The following CREG1 variants were observed in gnomAD, a reference collection of about 807,000 sequenced individuals.
The protein encoded by CREG1 is protein CREG1.
CREG1 carries 20 observed loss-of-function variants against 19.9 expected under a neutral mutation model. The observed-to-expected ratio is 1.01, with a 90% CI of 0.71 to 1.46. CREG1 has a LOEUF of 1.46. Ranked by LOEUF, CREG1 falls within the 40% of genes most tolerant of loss-of-function variation. CREG1 has a pLI of 0.00. For synonymous variants in CREG1, 141 were observed against 143.3 expected, an observed-to-expected ratio of 0.98 and a Z score of 0.12; for missense variants, 290 against 314.9, an observed-to-expected ratio of 0.92 and a Z score of 0.60.
rs760512764 is a variant in CREG1, at chr1:167,546,260, G to A, written c.500C>T (p.Ala167Val). ...GTGTCGAATGAATAACGAATGCTTTGCAATATCCATTTCTGTTTCATTCAC... is the reference window on the plus strand; with the variant it reads ...GTGTCGAATGAATAACGAATGCTTTACAATATCCATTTCTGTTTCATTCAC... ...TKVNETEMDI[A>V]KHSLFIRHPE... The change falls in exon 3 of 4, where the codon GCA (alanine) becomes GTA (valine). Residue 167 changes from alanine (A) to valine (V), a missense_variant. Transcript: ENST00000370509. 1.9e-6 allele frequency: 3 copies of A among 1,605,360 alleles called. No homozygotes were observed. Among genetic ancestry groups the A allele is most frequent in the Middle Eastern group, 1.7e-4 (1 of 6,024 alleles).
At chr1:167,544,310 T>A (rs1359141611) in intron 3 of CREG1, among the ~76,000 whole-genome samples, 2 of 152,018 alleles carry the variant, frequency 1.3e-5, no homozygotes, top group Non-Finnish European at 2.9e-5. Context: ...TAGGCCCTGC[T>A]TGGAATTAAA....
chr1:167,542,243 G>C lies in CREG1; in HGVS notation c.*55C>G. ...GAGAAACATTAAGCCTTTTAAGTGT[G>C]TATGAGCCACTTTAAGAAACTTCAT... is the stretch of plus-strand genomic sequence containing the variant. On this transcript the variant is annotated 3_prime_UTR_variant, in exon 4 of 4. Transcript: ENST00000370509. 6.5e-7 allele frequency: 1 copy of C among 1,549,294 alleles called. No homozygotes were observed. Among genetic ancestry groups the C allele is most frequent in the Non-Finnish European group, 8.8e-7 (1 of 1,141,184 alleles).
intron 1 of CREG1, among the ~76,000 whole-genome samples, chr1:167,548,634 A>G (rs1335240725): frequency 6.6e-6 from 1 of 152,258 alleles, no homozygotes; most frequent in Non-Finnish European, 1.5e-5. Context: ...TTCCTGCTTT[A>G]GTAACAATGA....
At position 167,547,991 on chromosome 1, in the gene CREG1, T is replaced by TA. The variant is rs111711324; in HGVS notation, c.474+10dup. ...TGAAACCATCTCCCTTCCTGTAGGATAACTACTTACCTTGGTCACAGTTCC... is the reference window on the plus strand; with the variant it reads ...TGAAACCATCTCCCTTCCTGTAGGATAAACTACTTACCTTGGTCACAGTTCC... On this transcript the variant is annotated intron_variant, in intron 2 of 3. Coordinates refer to ENST00000370509, the MANE Select transcript of CREG1 (RefSeq NM_003851.3). The TA allele has an allele frequency of 1.4e-3, 2,183 of 1,601,872 alleles. 27 individuals are homozygous for TA. The African/African-American group carries it at 0.026, about 19-fold the overall frequency.
intron 1 of CREG1, 28 bp downstream of exon 1, chr1:167,553,360 C>T (rs1656456119): frequency 1.4e-5 from 19 of 1,346,642 alleles, no homozygotes; most frequent in Non-Finnish European, 1.8e-5. Context: ...CCACAGCCCG[C>T]CTGGGGAAGC....
intron 2 of CREG1, among the ~76,000 whole-genome samples, chr1:167,547,185 T>C (rs1656344139): frequency 6.6e-6 from 1 of 152,222 alleles, no homozygotes; most frequent in South Asian, 2.1e-4. Flanking sequence ...CCTGACACCA[T>C]GCCCACTGCT....
chr1:167,543,417 CA>C (rs891888047), intron 3 of CREG1, among the ~76,000 whole-genome samples: 36 of 152,192 alleles, frequency 2.4e-4, no homozygotes, highest in African/African-American at 8.7e-4. Flanking sequence ...TGGCAGTCTC[CA>C]TCTGTGTGAA....
Position 167,553,726 on chromosome 1 carries a change from G to A in CREG1, c.16C>T (p.Arg6Cys). The A allele has an allele frequency of 2.3e-6, 3 of 1,286,800 alleles. No homozygotes were observed. Among genetic ancestry groups the A allele is most frequent in the South Asian group, 2.6e-5 (1 of 39,002 alleles). The allele number at this position is 1,286,800 out of a possible 1,614,324, so 79.7% of individuals were successfully genotyped here. The change falls in exon 1 of 4, where the codon CGC (arginine) becomes TGC (cysteine). Residue 6 changes from arginine to cysteine, a missense_variant. Arg to Cys is a radical substitution (Grantham distance 180). Coordinates refer to ENST00000370509, the MANE Select transcript of CREG1 (RefSeq NM_003851.3). The part of the protein sequence containing the change: MAGLS[R>C]GSARALLAAL... ...GCGAGCAGTGCGCGCGCGGACCCGC[G>A]GGATAGCCCGGCCATGGCGGTGTCT... is the stretch of plus-strand genomic sequence containing the variant.
intron 1 of CREG1, among the ~76,000 whole-genome samples, chr1:167,549,703 A>G (rs1223202918): frequency 1.3e-5 from 2 of 150,550 alleles, no homozygotes; most frequent in African/African-American, 4.9e-5. Context: ...TTTTTAAGAC[A>G]GTGTCTCACT....
rs552955866 is a variant in CREG1 at position 167,548,263 on chromosome 1, C to G, written c.355-142G>C. 5 of 592,308 alleles carry G rather than the reference C, an allele frequency of 8.4e-6. No individual in the cohort carries two copies. In the East Asian group the frequency reaches 1.1e-4, roughly 13 times the overall value. 36.7% of individuals were successfully genotyped at this position (592,308 alleles called of 1,614,324 possible). ...GAATCATAAAACATCACCTTCCACT[C>G]AGGGGAAAATAATACTTGGAAAGTA... is the stretch of plus-strand genomic sequence containing the variant. On this transcript the variant is annotated intron_variant, in intron 1 of 3. Coordinates refer to ENST00000370509, the MANE Select transcript of CREG1 (RefSeq NM_003851.3).
chr1:167,543,569 G>A (rs140103399), intron 3 of CREG1, among the ~76,000 whole-genome samples: 209 of 152,336 alleles, frequency 1.4e-3, no homozygotes, highest in African/African-American at 4.7e-3. Flanking sequence ...GGTTCTCCAA[G>A]AAGATGGGGG....
At position 167,553,468 on chromosome 1, in the gene CREG1, T is replaced by C; in HGVS notation, c.274A>G (p.Ser92Gly). The C allele has an allele frequency of 6.7e-7, 1 of 1,484,122 alleles. No homozygotes were observed. Among genetic ancestry groups the C allele is most frequent in the Non-Finnish European group, 8.9e-7 (1 of 1,124,344 alleles). The allele number at this position is 1,484,122 out of a possible 1,614,324, so 91.9% of individuals were successfully genotyped here. ...GRPFADVLSL[S>G]DGPPGAGSGV... is the part of the protein sequence containing the mutation. ...CTGCCCGCGCCCGGGGGCCCGTCGC[T>C]GAGCGAGAGGACGTCGGCGAAGGGC... The change falls in exon 1 of 4, where the codon AGC (serine) becomes GGC (glycine). Residue 92 changes from serine (S) to glycine (G), a missense_variant. Physicochemically the swap from Ser to Gly is moderately conservative, Grantham distance 56. Coordinates refer to ENST00000370509, the MANE Select transcript of CREG1 (RefSeq NM_003851.3).
chr1:167,553,486 C>T lies in CREG1; in HGVS notation c.256G>A (p.Ala86Thr). 6.7e-7 allele frequency: 1 copy of T among 1,488,670 alleles called. No homozygotes were observed. Among genetic ancestry groups the T allele is most frequent in the South Asian group, 1.3e-5 (1 of 79,536 alleles). 92.2% of individuals were successfully genotyped at this position (1,488,670 alleles called of 1,614,324 possible). ...CCGTCGCTGAGCGAGAGGACGTCGG[C>T]GAAGGGCCGGCCGCGCACCGCCTCC... is the stretch of plus-strand genomic sequence containing the variant. Reference protein sequence around the residue: ...TLEAVRGRPFADVLSLSDGPP... With the variant: ...TLEAVRGRPFTDVLSLSDGPP... Residue 86 changes from alanine to threonine, a missense_variant, in exon 1 of 4, where the codon GCC becomes ACC. Physicochemically the swap from Ala to Thr is moderately conservative, Grantham distance 58. Transcript: ENST00000370509.
intron 1 of CREG1, 61 bp from the exon 2 acceptor site, chr1:167,548,182 T>G: frequency 2.1e-6 from 3 of 1,449,552 alleles, no homozygotes; most frequent in Non-Finnish European, 2.9e-6. Flanking sequence ...GGTAATAAAT[T>G]TCAAAAGTTG....
chr1:167,550,554 G>A (rs1656406294), intron 1 of CREG1, among the ~76,000 whole-genome samples: 1 of 152,152 alleles, frequency 6.6e-6, no homozygotes. Flanking sequence ...ACAAAAAACT[G>A]TCAGGACTTG....
intron 2 of CREG1, 88 bp downstream of exon 2, chr1:167,547,914 C>G (rs1269640367): frequency 8.4e-6 from 12 of 1,435,140 alleles, no homozygotes; most frequent in Non-Finnish European, 1.2e-5. Context: ...GAGTGAGACT[C>G]TGTCTCAAAA....
intron 3 of CREG1, among the ~76,000 whole-genome samples, chr1:167,543,317 C>T (rs1656257353): frequency 6.6e-6 from 1 of 152,132 alleles, no homozygotes; most frequent in African/African-American, 2.4e-5. Context: ...AAGCCTTCCA[C>T]TGATCATGCA....
chr1:167,542,341 G>C, intron 3 of CREG1, 40 bp from the exon 4 acceptor site: 1 of 1,575,434 alleles, frequency 6.3e-7, no homozygotes, highest in South Asian at 1.2e-5. Flanking sequence ...TGTTAAACTG[G>C]GTTAACAAAT....
chr1:167,542,416 G>A, intron 3 of CREG1, 115 bp from the exon 4 acceptor site: 1 of 1,026,724 alleles, frequency 9.7e-7, no homozygotes, highest in Non-Finnish European at 1.4e-6. Context: ...AAGATTTTCA[G>A]TTCATTTCAA....
Sources: gnomAD v4.1 joint callset for allele counts (sites outside exome capture counted in the v4.1 genomes callset) on GRCh38, gnomAD v4.1.1 for gene constraint, MANE v1.5 for transcripts, NCBI Gene and HGNC (gene_info 2026-07-23, HGNC 2026-07-21) for gene names.